Variants in GRAMD1A observed in about 807,000 individuals in gnomAD.
The protein encoded by GRAMD1A is protein Aster-A.
GRAMD1A carries 50 observed loss-of-function variants against 92.0 expected under a neutral mutation model. The observed-to-expected ratio is 0.54, with a 90% confidence interval of 0.43 to 0.69. GRAMD1A has a LOEUF of 0.69. GRAMD1A is among the 30% of genes least tolerant of loss of function. The probability of loss-of-function intolerance (pLI) is 0.00; values close to 1 mark genes in which losing one functional copy is unlikely to be tolerated. For missense variants in GRAMD1A, 819 were observed against 978.9 expected, an observed-to-expected ratio of 0.84 and a Z score of 2.18; for synonymous variants, 405 against 403.6, an observed-to-expected ratio of 1.00 and a Z score of -0.04.
At position 35,011,463 on chromosome 19, in the gene GRAMD1A, CT is replaced by C; in HGVS notation, c.526-10del. The C allele has an allele frequency of 6.2e-7, 1 of 1,603,562 alleles. No homozygotes were observed. On this transcript the variant is annotated splice_polypyrimidine_tract_variant and intron_variant, in intron 6 of 19. Coordinates refer to ENST00000317991, the MANE Select transcript of GRAMD1A (RefSeq NM_020895.5). ...CCTGCTCACACCTCTCTCTCTCTCT[CT>C]CCCTGACAGCATTTCTTCACTTCCT...
intron 13 of GRAMD1A, among the ~76,000 whole-genome samples, chr19:35,020,751 C>G (rs1368328427): frequency 6.6e-6 from 1 of 151,654 alleles, no homozygotes; most frequent in African/African-American, 2.4e-5. Context: ...GGCCAGGGCT[C>G]TGAGCCAGGA....
rs753429389 is a variant in GRAMD1A, at chr19:35,021,926, C to CT, written c.1754-24dup. 1 of 1,613,072 alleles carries CT rather than the reference C, an allele frequency of 6.2e-7. No homozygotes were observed. Among genetic ancestry groups the CT allele is most frequent in the Admixed American group, 1.7e-5 (1 of 59,934 alleles). ...GATCGGGGGTCCTGGACTGGGCCAT[C>CT]TGACTCCAAGCTGCTCTCCTGCAGG... On this transcript the variant is annotated intron_variant, in intron 15 of 19. Transcript: ENST00000317991. This position sits in a 1 kb window ranked among gnomAD's most constrained non-coding sequence, Gnocchi z 5.3.
At chr19:34,999,048 T>A (rs2014168975), upstream of GRAMD1A, among the ~76,000 whole-genome samples, 1 of 151,964 alleles carries the variant, frequency 6.6e-6, no homozygotes, top group African/African-American at 2.4e-5. Context: ...GGTAGTTAAC[T>A]GACTCAGGTG....
At chr19:35,005,824 A>T (rs2014771119) in intron 1 of GRAMD1A, 1 of 455,798 alleles carries the variant, frequency 2.2e-6, no homozygotes, top group East Asian at 6.9e-5. Flanking sequence ...TGCCCAGGGG[A>T]CTGTGGGGTC....
At chr19:35,004,515 C>A (rs1393268188) in intron 1 of GRAMD1A, among the ~76,000 whole-genome samples, 1 of 152,108 alleles carries the variant, frequency 6.6e-6, no homozygotes, top group Non-Finnish European at 1.5e-5. Flanking sequence ...TGTCTGAGGT[C>A]GCCATCCCTG....
intron 7 of GRAMD1A, 150 bp downstream of exon 7, chr19:35,011,704 C>T: frequency 4.8e-6 from 3 of 630,242 alleles, no homozygotes; most frequent in East Asian, 5.4e-5. Flanking sequence ...CTGGGCCCCA[C>T]CTGACCCCGA....
At chr19:35,015,746 T>C in intron 10 of GRAMD1A, 78 bp from the exon 11 acceptor site, 14 of 1,434,934 alleles carry the variant, frequency 9.8e-6, no homozygotes, top group Non-Finnish European at 1.3e-5. Flanking sequence ...CTACAAGGCC[T>C]GGGAGTGGGG....
rs1201980704 is a variant in GRAMD1A at position 35,006,081 on chromosome 19, A to C, written c.9-3038A>C. 3 of 422,938 alleles carry C rather than the reference A, an allele frequency of 7.1e-6. No homozygotes were observed. The East Asian group carries it at 2.1e-4, about 30-fold the overall frequency. The allele number at this position is 422,938 out of a possible 1,614,324, so 26.2% of individuals were successfully genotyped here. A position where few individuals can be genotyped will look rare whatever the true frequency, so the allele number is the denominator to read the frequency against. On this transcript the variant is annotated intron_variant, in intron 1 of 19. Coordinates refer to ENST00000317991, the MANE Select transcript of GRAMD1A (RefSeq NM_020895.5). ...TGGCTCACAGCTGTAATCTCCTAGCACTTTGGGATGCTGAGGCAGGTGGAT... is the reference window on the plus strand; with the variant it reads ...TGGCTCACAGCTGTAATCTCCTAGCCCTTTGGGATGCTGAGGCAGGTGGAT...
chr19:35,017,685 C>T (rs2015743095), intron 11 of GRAMD1A, among the ~76,000 whole-genome samples: 2 of 123,590 alleles, frequency 1.6e-5, no homozygotes, highest in South Asian at 4.7e-4. Context: ...CTGGGCTCCT[C>T]TGCCCCGACC....
intron 11 of GRAMD1A, among the ~76,000 whole-genome samples, chr19:35,016,957 A>T (rs1193129142): frequency 1.3e-5 from 2 of 150,304 alleles, no homozygotes; most frequent in African/African-American, 4.9e-5. Flanking sequence ...AGTTCATGTC[A>T]GCCCAGAAGT....
Position 34,995,312 on chromosome 19 carries a change from C to T in GRAMD1A, c.-30+487C>T, listed in dbSNP as rs886742009. Among the ~76,000 whole-genome samples, 22 of 152,180 alleles carry T rather than the reference C, an allele frequency of 1.4e-4. 1 individual carries two copies. The highest frequency in any genetic ancestry group is 1.5e-5 in the Non-Finnish European group (1 of 68,034). On this transcript the variant is annotated intron_variant, in intron 1 of 19. Coordinates refer to the GRAMD1A transcript ENST00000599564. ...TTCCGAAAAAAATAGCCCAGGCCTCCCACAGATGAGAGAGGAGCTATGTGG... is the reference window on the plus strand; with the variant it reads ...TTCCGAAAAAAATAGCCCAGGCCTCTCACAGATGAGAGAGGAGCTATGTGG...
In GRAMD1A at chr19:35,014,241, G is replaced by A; in HGVS notation, c.923G>A (p.Ser308Asn). The change falls in exon 10 of 20, where the codon AGC (serine) becomes AAC (asparagine). Residue 308 changes from serine (S) to asparagine (N), a missense_variant. Physicochemically the swap from Ser to Asn is conservative, Grantham distance 46. This residue lies in a region of GRAMD1A where 577 missense variants were observed against 674.6 expected (regional missense o/e 0.86). Transcript: ENST00000317991. ...GACAGCCAGCCAGACGCCTCCTCCAGCCAGACAGTGACCCCGGTGGCTGAA... is the reference window on the plus strand; with the variant it reads ...GACAGCCAGCCAGACGCCTCCTCCAACCAGACAGTGACCCCGGTGGCTGAA... ...QVDSQPDASS[S>N]QTVTPVAEPP... 6.2e-7 allele frequency: 1 copy of A among 1,614,154 alleles called. No individual in the cohort carries two copies. Among genetic ancestry groups the A allele is most frequent in the Non-Finnish European group, 8.5e-7 (1 of 1,180,020 alleles).
chr19:34,996,084 G>A (rs1393830706), upstream of GRAMD1A: 4 of 1,535,964 alleles, frequency 2.6e-6, no homozygotes, highest in South Asian at 1.2e-5. Context: ...AGTCCCCAGG[G>A]CTCGCCTGAC....
chr19:35,020,507 C>T (rs1433594327), intron 13 of GRAMD1A, among the ~76,000 whole-genome samples: 1 of 151,838 alleles, frequency 6.6e-6, no homozygotes, highest in East Asian at 1.9e-4. Context: ...CACTGCACTT[C>T]AGCCTGGGTG....
chr19:34,999,626 T>TC (rs2014202780), upstream of GRAMD1A: 1 of 152,214 alleles, frequency 6.6e-6, no homozygotes, highest in African/African-American at 2.4e-5. Flanking sequence ...GGCTTCTCCT[T>TC]CCGTAAAAGG....
At chr19:35,014,536 T>C in intron 10 of GRAMD1A, 149 bp downstream of exon 10, 1 of 694,818 alleles carries the variant, frequency 1.4e-6, no homozygotes, top group Non-Finnish European at 2.5e-6. Flanking sequence ...TCTCTGTCTT[T>C]ACTCTGTTTT....
At position 35,010,212 on chromosome 19, in the gene GRAMD1A, G is replaced by GCT. The variant is rs1568323583; in HGVS notation, c.429+18_429+19insTC. ...GAGACCACGGTGAGCCCGCAGCGGG[G>GCT]CAGGGTACAGGGGCGGGGGCCCCCA... On this transcript the variant is annotated intron_variant, in intron 5 of 19. Coordinates refer to ENST00000317991, the MANE Select transcript of GRAMD1A (RefSeq NM_020895.5). The GCT allele has an allele frequency of 1.3e-6, 2 of 1,599,326 alleles. No homozygotes were observed. Among genetic ancestry groups the GCT allele is most frequent in the East Asian group, 4.5e-5 (2 of 44,792 alleles).
Position 35,013,343 on chromosome 19 carries a change from T to C in GRAMD1A, c.694T>C (p.Ser232Pro). Residue 232 changes from serine to proline, a missense_variant, in exon 8 of 20, where the codon TCC becomes CCC. Ser to Pro is a moderately conservative substitution (Grantham distance 74, BLOSUM62 -1). Transcript: ENST00000317991. The surrounding 1 kb of genome is among the most constrained non-coding windows in gnomAD (Gnocchi z 4.9). ...CACCAGTGAGGATGAGGACTATGTC[T>C]CCCCCTTGCAGCTGAACGGTCTGGG... is the stretch of plus-strand genomic sequence containing the variant. ...GLTSEDEDYV[S>P]PLQLNGLGTP... is the part of the protein sequence containing the mutation. The C allele has an allele frequency of 6.4e-7, 1 of 1,554,586 alleles. No homozygotes were observed. Among genetic ancestry groups the C allele is most frequent in the Non-Finnish European group, 8.7e-7 (1 of 1,147,302 alleles).
Position 35,011,498 on chromosome 19 carries a change from C to T in GRAMD1A, c.550C>T (p.Arg184Cys), listed in dbSNP as rs1199512513. The change falls in exon 7 of 20, where the codon CGT (arginine) becomes TGT (cysteine). Residue 184 changes from arginine (R) to cysteine (C), a missense_variant. Physicochemically the swap from Arg to Cys is radical, Grantham distance 180 (BLOSUM62 -3). Transcript: ENST00000317991. The stretch of plus-strand genomic sequence containing the variant: ...GCATTTCTTCACTTCCTTTGGGGCC[C>T]GTGACCGCTGCTTCCTCCTCATCTT... ...EKHFFTSFGARDRCFLLIFRL... is the reference protein window; with the variant it reads ...EKHFFTSFGACDRCFLLIFRL... 5.6e-6 allele frequency: 9 copies of T among 1,611,326 alleles called. No individual in the cohort carries two copies. Among genetic ancestry groups the T allele is most frequent in the East Asian group, 2.2e-5 (1 of 44,870 alleles).
Sources: gnomAD v4.1 joint callset for allele counts (sites outside exome capture counted in the v4.1 genomes callset) on GRCh38, gnomAD v4.1.1 for gene constraint, gnomAD v4.1.1 regional missense constraint, Gnocchi (gnomAD v3.1) non-coding constraint, MANE v1.5 for transcripts, NCBI Gene and HGNC (gene_info 2026-07-23, HGNC 2026-07-21) for gene names.